Variants in RUNX1 observed in about 807,000 individuals in gnomAD.
RUNX1 encodes runt-related transcription factor 1.
RUNX1 carries 19 observed loss-of-function variants against 42.8 expected under a neutral mutation model. That is an observed-to-expected ratio of 0.44 (90% CI 0.31 to 0.65). The LOEUF is 0.65. RUNX1 is among the 30% of genes least tolerant of loss of function. RUNX1 has a pLI of 0.07. For synonymous variants in RUNX1, 271 were observed against 289.4 expected, an observed-to-expected ratio of 0.94 and a Z score of 0.64; for missense variants, 528 against 672.0, an observed-to-expected ratio of 0.79 and a Z score of 2.37.
intron 4 of RUNX1, among the ~76,000 whole-genome samples, chr21:34,882,457 C>T (rs2057919296): frequency 6.6e-6 from 1 of 152,146 alleles, no homozygotes; most frequent in African/African-American, 2.4e-5. Context: ...AAGGTCTGGG[C>T]CTTTTCTCTC....
intron 8 of RUNX1, among the ~76,000 whole-genome samples, chr21:34,797,573 G>A (rs572934809): frequency 4.6e-5 from 7 of 152,316 alleles, no homozygotes; most frequent in East Asian, 3.9e-4. Context: ...GACCGTAGCC[G>A]GTGTGCAGAG....
At chr21:35,005,327 C>A (rs760736680) in intron 2 of RUNX1, among the ~76,000 whole-genome samples, 2 of 152,086 alleles carry the variant, frequency 1.3e-5, no homozygotes, top group Non-Finnish European at 2.9e-5. Flanking sequence ...CTGTATGACT[C>A]ATTGTATATG....
At chr21:34,993,742 GACAC>G (rs1326816336) in intron 2 of RUNX1, among the ~76,000 whole-genome samples, 2 of 55,680 alleles carry the variant, frequency 3.6e-5, no homozygotes, top group Admixed American at 1.9e-4. Flanking sequence ...GACACACAGA[GACAC>G]ACACACAGAC....
chr21:34,923,997 T>C (rs988439773), intron 2 of RUNX1, among the ~76,000 whole-genome samples: 1 of 152,206 alleles, frequency 6.6e-6, no homozygotes, highest in Non-Finnish European at 1.5e-5. Flanking sequence ...CTTCCCCCTC[T>C]TGAATCTAAT....
At chr21:34,991,259 T>C (rs1367186122) in intron 2 of RUNX1, among the ~76,000 whole-genome samples, 9 of 152,128 alleles carry the variant, frequency 5.9e-5, no homozygotes, top group East Asian at 3.9e-4. Flanking sequence ...CTTTACCTCC[T>C]CCCGAAATTC....
intron 2 of RUNX1, among the ~76,000 whole-genome samples, chr21:35,034,126 A>C (rs1002632284): frequency 6.6e-6 from 1 of 152,232 alleles, no homozygotes; most frequent in Non-Finnish European, 1.5e-5. Context: ...GATTGAGTGC[A>C]GCCCTGCCAT....
At chr21:34,853,507 C>T (rs2057453863) in intron 6 of RUNX1, among the ~76,000 whole-genome samples, 1 of 152,176 alleles carries the variant, frequency 6.6e-6, no homozygotes, top group South Asian at 2.1e-4. Context: ...AGCATCTGGA[C>T]GCCTTAGTTT....
intron 2 of RUNX1, among the ~76,000 whole-genome samples, chr21:34,978,185 G>A (rs1237421220): frequency 2.6e-5 from 4 of 152,020 alleles, no homozygotes; most frequent in East Asian, 1.9e-4. Context: ...TGATCCGCCC[G>A]CCTCGGCCTC....
intron 5 of RUNX1, among the ~76,000 whole-genome samples, chr21:34,865,701 G>A (rs557455103): frequency 6.6e-6 from 1 of 152,160 alleles, no homozygotes; most frequent in African/African-American, 2.4e-5. Context: ...GCCAATTGTG[G>A]TCAAATAAAG....
At position 34,792,309 on chromosome 21, in the gene RUNX1, G is replaced by A. The variant is rs544247912; in HGVS notation, c.1269C>T (p.Arg423=). 840 of 1,542,486 alleles carry A rather than the reference G, an allele frequency of 5.4e-4. 2 individuals are homozygous for A. Among genetic ancestry groups the A allele is most frequent in the Middle Eastern group, 4.4e-3 (26 of 5,902 alleles). ...AGGGCGGCAGGATGCGCGGCGGCGA[G>A]CGCTCGCCGCCCACCATGGAGAACT... ...SYQFSMVGGE[R]SPPRILPPCT... is the part of the protein sequence containing the mutation. Residue 423 remains arginine, a synonymous_variant, in exon 9 of 9, where the codon CGC becomes CGT. Transcript: ENST00000675419. This position sits in a 1 kb window ranked among gnomAD's most constrained non-coding sequence, Gnocchi z 6.9.
chr21:34,918,632 G>A (rs1343560970), intron 2 of RUNX1, among the ~76,000 whole-genome samples: 1 of 152,152 alleles, frequency 6.6e-6, no homozygotes, highest in Admixed American at 6.5e-5. Flanking sequence ...ACATGAGGCC[G>A]GGCGTGGTGG....
chr21:34,927,465 T>C (rs55677152), intron 2 of RUNX1, among the ~76,000 whole-genome samples: 7,134 of 152,260 alleles, frequency 0.047, 261 homozygotes, highest in Non-Finnish European at 0.074. Context: ...TGTTGGTGAG[T>C]GCCATGCAAG....
At chr21:34,939,465 C>A (rs190434322) in intron 2 of RUNX1, among the ~76,000 whole-genome samples, 1 of 152,156 alleles carries the variant, frequency 6.6e-6, no homozygotes, top group Non-Finnish European at 1.5e-5. Context: ...GAAAGTTACA[C>A]GTTCATAGCA....
intron 5 of RUNX1, among the ~76,000 whole-genome samples, chr21:34,863,721 A>AT (rs1344268454): frequency 1.3e-5 from 2 of 151,650 alleles, no homozygotes; most frequent in African/African-American, 4.8e-5. Context: ...CACCCAGCTA[A>AT]TTTTTTGTAT....
In RUNX1 at chr21:34,982,675, T is replaced by C. The variant is rs1002694329; in HGVS notation, c.58+66167A>G. Among the ~76,000 whole-genome samples the C allele has an allele frequency of 5.3e-5, 8 of 152,182 alleles. No individual in the cohort carries two copies. The South Asian group carries it at 8.3e-4, about 16-fold the overall frequency. On this transcript the variant is annotated intron_variant, in intron 2 of 8. Transcript: ENST00000675419. ...ATCTCCGCCACCCGGGTTCAAGTGA[T>C]TCTCCTGCCTTAGCCTCCTGAGTAG...
chr21:34,940,586 C>T (rs1293973630), intron 2 of RUNX1, among the ~76,000 whole-genome samples: 1 of 152,164 alleles, frequency 6.6e-6, no homozygotes, highest in African/African-American at 2.4e-5. Flanking sequence ...GAATTTTCAT[C>T]CTATGTGCTT....
intron 7 of RUNX1, chr21:34,821,617 T>C: frequency 4.5e-6 from 7 of 1,554,984 alleles, no homozygotes; most frequent in Non-Finnish European, 6.1e-6. Flanking sequence ...ATGGAAAAGA[T>C]AGCTCTATCC....
chr21:34,887,252 C>CTGGGGGG, intron 3 of RUNX1, 156 bp from the exon 4 acceptor site: 1 of 277,030 alleles, frequency 3.6e-6, no homozygotes, highest in South Asian at 1.1e-4. Flanking sequence ...TGGGGGGGGG[C>CTGGGGGG]GGGGGTGGTT....
intron 2 of RUNX1, among the ~76,000 whole-genome samples, chr21:34,900,022 T>C (rs2058164949): frequency 6.6e-6 from 1 of 152,162 alleles, no homozygotes; most frequent in Non-Finnish European, 1.5e-5. Context: ...TTTCTTATTC[T>C]AGAGCAGCAC....
Sources: allele counts gnomAD v4.1 joint callset (sites outside exome capture counted in the v4.1 genomes callset), GRCh38; gene constraint gnomAD v4.1.1; non-coding constraint Gnocchi (gnomAD v3.1); transcripts MANE v1.5; gene names NCBI Gene and HGNC (gene_info 2026-07-23, HGNC 2026-07-21).